Variants in RBBP6 observed in about 807,000 individuals in gnomAD.
RBBP6 encodes the protein RB binding protein 6, ubiquitin ligase.
A neutral mutation model predicts 167.7 loss-of-function variants in RBBP6; 25 were observed. The observed-to-expected ratio is 0.15, with a 90% CI of 0.11 to 0.21. RBBP6 has a LOEUF of 0.21. Ranked by LOEUF, RBBP6 falls within the 10% of genes least tolerant of loss-of-function variation. The pLI, the probability that RBBP6 is intolerant of heterozygous loss-of-function variation, is 1.00. For missense variants in RBBP6, 1,868 were observed against 2,134.2 expected, an observed-to-expected ratio of 0.88 and a Z score of 2.46; for synonymous variants, 789 against 735.8, an observed-to-expected ratio of 1.07 and a Z score of -1.17.
intron 3 of RBBP6, among the ~76,000 whole-genome samples, chr16:24,551,750 A>G (rs148213620): frequency 6.6e-6 from 1 of 151,718 alleles, no homozygotes; most frequent in African/African-American, 2.4e-5. Flanking sequence ...TTCCAAGGAA[A>G]TCATCAGTAT....
intron 7 of RBBP6, among the ~76,000 whole-genome samples, chr16:24,557,902 C>G (rs1596506250): frequency 6.6e-6 from 1 of 152,132 alleles, no homozygotes; most frequent in African/African-American, 2.4e-5. Flanking sequence ...TGTTTTCGTT[C>G]ACAGATAAGA....
At chr16:24,553,737 G>T in intron 4 of RBBP6, 180 bp downstream of exon 4, 1 of 399,168 alleles carries the variant, frequency 2.5e-6, no homozygotes, top group Non-Finnish European at 4.5e-6. Context: ...TACTTTGTCA[G>T]CCTCAGCGTA....
chr16:24,569,067 C>A lies in RBBP6; in HGVS notation c.2377C>A (p.Arg793Ser). The change falls in exon 17 of 18, where the codon CGT (arginine) becomes AGT (serine). Residue 793 changes from arginine to serine, a missense_variant. Around this residue, in one of 7 missense-constraint regions of RBBP6, gnomAD observed 673 missense variants for 691.5 expected, o/e 0.97. Coordinates refer to ENST00000319715, the MANE Select transcript of RBBP6 (RefSeq NM_006910.5). Reference sequence around the variant, plus strand: ...TAATGTACCTCAAGGGGAAACAGAACGTGAATATTTTAATAGATACAGAGA... The same window carrying A: ...TAATGTACCTCAAGGGGAAACAGAAAGTGAATATTTTAATAGATACAGAGA... ...KRNVPQGETE[R>S]EYFNRYREVP... The A allele has an allele frequency of 3.1e-6, 5 of 1,613,988 alleles. No individual in the cohort carries two copies. Among genetic ancestry groups the A allele is most frequent in the Non-Finnish European group, 4.2e-6 (5 of 1,179,968 alleles).
intron 3 of RBBP6, among the ~76,000 whole-genome samples, chr16:24,550,844 C>T (rs1012253953): frequency 4.0e-5 from 6 of 151,410 alleles, no homozygotes; most frequent in Non-Finnish European, 7.4e-5. Context: ...GCTTGGGGTA[C>T]ATTTGCTGGC....
intron 2 of RBBP6, among the ~76,000 whole-genome samples, 198 bp from the exon 3 acceptor site, chr16:24,548,747 A>T (rs551624612): frequency 3.3e-5 from 5 of 152,158 alleles, no homozygotes; most frequent in Admixed American, 1.3e-4. Context: ...CCAAACCACA[A>T]ATCTATCTTA....
In RBBP6 at chr16:24,567,105, A is replaced by G; in HGVS notation, c.1590-38A>G. The G allele has an allele frequency of 2.5e-6, 4 of 1,573,120 alleles. No homozygotes were observed. The Middle Eastern group carries it at 5.1e-4, about 200-fold the overall frequency. On this transcript the variant is annotated intron_variant, in intron 14 of 17. Coordinates refer to ENST00000319715, the MANE Select transcript of RBBP6 (RefSeq NM_006910.5). ...AAGCTTACTTGTCTCAGATGACTTTAGTTTGAAGAAGTAATATCTTGGAAT... is the reference window on the plus strand; with the variant it reads ...AAGCTTACTTGTCTCAGATGACTTTGGTTTGAAGAAGTAATATCTTGGAAT...
Position 24,572,044 on chromosome 16 carries a change from A to T in RBBP6, c.4978A>T (p.Asn1660Tyr). The T allele has an allele frequency of 6.2e-7, 1 of 1,614,184 alleles. No individual in the cohort carries two copies. Among genetic ancestry groups the T allele is most frequent in the Non-Finnish European group, 8.5e-7 (1 of 1,180,006 alleles). The change falls in exon 18 of 18, where the codon AAC (asparagine) becomes TAC (tyrosine). Residue 1660 changes from asparagine to tyrosine, a missense_variant. Around this residue, in one of 7 missense-constraint regions of RBBP6, gnomAD observed 591 missense variants for 540.5 expected, o/e 1.09. Transcript: ENST00000319715. ...TGTAAAAGAAGAGGAATCTTCAGGA[A>T]ACATTTCTAAGGACCTGAAAGATAA... ...VSVKEEESSG[N>Y]ISKDLKDKIV...
In RBBP6 at chr16:24,563,259, C is replaced by T. The variant is rs1222032328; in HGVS notation, c.1350C>T (p.Thr450=). ...AALASEHSKG[T]SSIAITALME... is the part of the protein sequence containing the mutation. Reference sequence around the variant, plus strand: ...TTGCATCAGAGCACTCAAAGGGAACCTCCTCAATTGCAATTACCGCTCTTA... The same window carrying T: ...TTGCATCAGAGCACTCAAAGGGAACTTCCTCAATTGCAATTACCGCTCTTA... The change falls in exon 11 of 18, where the codon ACC becomes ACT. Residue 450 remains threonine, a synonymous_variant. Coordinates refer to ENST00000319715, the MANE Select transcript of RBBP6 (RefSeq NM_006910.5). 1 of 1,611,456 alleles carries T rather than the reference C, an allele frequency of 6.2e-7. No individual in the cohort carries two copies.
At chr16:24,560,327 C>G (rs749675835) in intron 8 of RBBP6, among the ~76,000 whole-genome samples, 24 of 152,186 alleles carry the variant, frequency 1.6e-4, no homozygotes, top group Middle Eastern at 6.8e-3. Flanking sequence ...AGGATGGTCT[C>G]GATCTCCTGA....
intron 4 of RBBP6, chr16:24,554,629 T>C (rs1331865503): frequency 6.6e-6 from 1 of 152,136 alleles, no homozygotes; most frequent in Non-Finnish European, 1.5e-5. Flanking sequence ...CAAAGTGGTT[T>C]AGTATAGAGT....
chr16:24,570,810 T>A (rs1207570279), intron 17 of RBBP6, 66 bp from the exon 18 acceptor site: 27 of 1,213,664 alleles, frequency 2.2e-5, no homozygotes, highest in Non-Finnish European at 2.6e-5. Flanking sequence ...ATTTTTATAT[T>A]TATCAGTGTT....
rs1899261261 is a variant in RBBP6 at position 24,569,021 on chromosome 16, G to A, written c.2331G>A (p.Arg777=). 1 of 1,614,114 alleles carries A rather than the reference G, an allele frequency of 6.2e-7. No homozygotes were observed. The highest frequency in any genetic ancestry group is 1.1e-5 in the South Asian group (1 of 91,080). Residue 777 remains arginine, a synonymous_variant, in exon 17 of 18, where the codon AGG becomes AGA. Coordinates refer to ENST00000319715, the MANE Select transcript of RBBP6 (RefSeq NM_006910.5). ...GATCAAGATCTCCTCAAGCGTTTAGGGGACAGTCTCCTAATAAACGTAATG... is the reference window on the plus strand; with the variant it reads ...GATCAAGATCTCCTCAAGCGTTTAGAGGACAGTCTCCTAATAAACGTAATG... The part of the protein sequence containing the change: ...HSRSRSPQAF[R]GQSPNKRNVP...
At chr16:24,544,414 T>C (rs1285717428) in intron 1 of RBBP6, among the ~76,000 whole-genome samples, 6 of 152,182 alleles carry the variant, frequency 3.9e-5, no homozygotes, top group Non-Finnish European at 8.8e-5. Flanking sequence ...ACTTGAAGTA[T>C]ATAGAAAATA....
intron 7 of RBBP6, among the ~76,000 whole-genome samples, chr16:24,556,671 C>T (rs969461792): frequency 2.0e-4 from 31 of 152,112 alleles, no homozygotes; most frequent in African/African-American, 7.0e-4. Context: ...GTGCCACTTC[C>T]CTTGTAGTCT....
intron 13 of RBBP6, 87 bp from the exon 14 acceptor site, chr16:24,564,710 A>G (rs1400228893): frequency 4.2e-6 from 6 of 1,438,364 alleles, no homozygotes; most frequent in Non-Finnish European, 9.2e-7. Flanking sequence ...AGTAGTTAAA[A>G]TTGGTGTCTT....
intron 3 of RBBP6, among the ~76,000 whole-genome samples, chr16:24,550,379 T>G (rs1422453532): frequency 6.6e-5 from 10 of 150,910 alleles, no homozygotes; most frequent in South Asian, 2.1e-4. Flanking sequence ...TTGTTTTTTT[T>G]TTTTAAGCAT....
chr16:24,567,960 T>C, intron 16 of RBBP6, 67 bp downstream of exon 16: 1 of 1,333,056 alleles, frequency 7.5e-7, no homozygotes, highest in African/African-American at 1.5e-5. Flanking sequence ...GGATTAGCTA[T>C]GGATATAAAG....
chr16:24,553,384 C>CTT (rs1898843290), intron 3 of RBBP6, 129 bp from the exon 4 acceptor site: 2 of 680,778 alleles, frequency 2.9e-6, no homozygotes, highest in Non-Finnish European at 5.0e-6. Context: ...CATTTTCAAG[C>CTT]TTAACATTCT....
At position 24,561,897 on chromosome 16, in the gene RBBP6, C is replaced by T; in HGVS notation, c.1025C>T (p.Pro342Leu). The change falls in exon 10 of 18, where the codon CCA becomes CTA. Residue 342 changes from proline (P) to leucine (L), a missense_variant. Pro to Leu is a moderately conservative substitution (Grantham distance 98). This residue lies in a region of RBBP6 where 245 missense variants were observed against 240.1 expected (regional missense o/e 1.02). Transcript: ENST00000319715. ...LRKQLPPPPP[P>L]IPPPRPLIQR... The stretch of plus-strand genomic sequence containing the variant: ...AAACAGTTACCTCCTCCACCACCCC[C>T]AATACCACCTCCGAGACCACTGATT... The T allele has an allele frequency of 1.2e-6, 2 of 1,614,118 alleles. No individual in the cohort carries two copies. Among genetic ancestry groups the T allele is most frequent in the Non-Finnish European group, 1.7e-6 (2 of 1,179,974 alleles).
Sources: allele counts gnomAD v4.1 joint callset (sites outside exome capture counted in the v4.1 genomes callset), GRCh38; gene constraint gnomAD v4.1.1; regional missense constraint gnomAD v4.1.1; transcripts MANE v1.5; gene names NCBI Gene and HGNC (gene_info 2026-07-23, HGNC 2026-07-21).